Variants in MLXIPL observed in about 807,000 individuals in gnomAD.
MLXIPL encodes the protein carbohydrate-responsive element-binding protein.
A neutral mutation model predicts 81.5 loss-of-function variants in MLXIPL; 49 were observed. That is an observed-to-expected ratio of 0.60 (90% CI 0.48 to 0.76). The LOEUF is 0.76. Ranked by LOEUF, MLXIPL falls within the 30% of genes least tolerant of loss-of-function variation. MLXIPL has a pLI of 0.00. For missense variants in MLXIPL, 1,053 were observed against 1,167.0 expected (o/e 0.90, Z 1.42); for synonymous variants, 466 against 485.5 (o/e 0.96, Z 0.53).
chr7:73,634,911 G>T, the MLXIPL span, among the ~76,000 whole-genome samples: 2 of 150,788 alleles, frequency 1.3e-5, no homozygotes, highest in Admixed American at 1.3e-4. Context: ...TACCTCCTGG[G>T]TTCAAACGAT....
intron 15 of MLXIPL, 132 bp downstream of exon 15, chr7:73,595,505 C>T (rs1473851399): frequency 1.3e-6 from 2 of 1,593,160 alleles, no homozygotes; most frequent in East Asian, 4.5e-5. Flanking sequence ...GGGGGCAGAG[C>T]CAGAGCCTGT....
the MLXIPL span, among the ~76,000 whole-genome samples, chr7:73,638,469 A>G: frequency 6.6e-6 from 1 of 151,972 alleles, no homozygotes. Context: ...TTTAGTGGAG[A>G]CAAGGTTTCG....
rs1438429385 is a variant in MLXIPL, at chr7:73,593,833, G to A, written c.*32C>T. On this transcript the variant is annotated 3_prime_UTR_variant, in exon 17 of 17. Coordinates refer to ENST00000313375, the MANE Select transcript of MLXIPL (RefSeq NM_032951.3). ...GTGCCCAGGGAAAGCAGCCCCCAGG[G>A]CAGCTGAGTGAGCAGCAGGGTCTGG... 1 of 1,570,822 alleles carries A rather than the reference G, an allele frequency of 6.4e-7. No individual in the cohort carries two copies. Among genetic ancestry groups the A allele is most frequent in the Non-Finnish European group, 8.8e-7 (1 of 1,140,930 alleles).
the MLXIPL span, among the ~76,000 whole-genome samples, chr7:73,636,980 A>C: frequency 6.7e-6 from 1 of 150,192 alleles, no homozygotes; most frequent in Admixed American, 6.7e-5. Context: ...GAATGATGTT[A>C]ACCCGGGAGG....
intron 2 of MLXIPL, 133 bp from the exon 3 acceptor site, chr7:73,607,805 C>T (rs554528866): frequency 9.0e-5 from 62 of 691,218 alleles, no homozygotes; most frequent in Middle Eastern, 5.0e-4. Flanking sequence ...CCCATGCTGC[C>T]TCCTCCAGGA....
chr7:73,596,381 G>A lies in MLXIPL; in HGVS notation c.1921C>T (p.Arg641Cys), dbSNP rs910883889. Residue 641 changes from arginine (R) to cysteine (C), a missense_variant, in exon 12 of 17, where the codon CGT (arginine) becomes TGT (cysteine). Physicochemically the swap from Arg to Cys is radical, Grantham distance 180. Transcript: ENST00000313375. The surrounding 1 kb of genome is among the most constrained non-coding windows in gnomAD (Gnocchi z 4.7). ...SPPQPILSRG[R>C]PDSNKTENRR... is the part of the protein sequence containing the mutation. ...GTGCCCACCTTGTTGCTGTCTGGAC[G>A]GCCCCGGCTGAGGATGGGTTGCGGG... 8 of 1,613,092 alleles carry A rather than the reference G, an allele frequency of 5.0e-6. No individual in the cohort carries two copies. Among genetic ancestry groups the A allele is most frequent in the Admixed American group, 1.7e-5 (1 of 59,970 alleles).
In MLXIPL at chr7:73,594,315, G is replaced by T. The variant is rs1438485905; in HGVS notation, c.2399C>A (p.Ala800Asp). ...SVHTLRQTSLAWLDQYCSLPA... is the reference protein window; with the variant it reads ...SVHTLRQTSLDWLDQYCSLPA... Reference sequence around the variant, plus strand: ...CAGAGAGCAGTACTGGTCCAGCCAGGCCAGTGAGGTCTGGCGGAGGGTGTG... The same window carrying T: ...CAGAGAGCAGTACTGGTCCAGCCAGTCCAGTGAGGTCTGGCGGAGGGTGTG... The change falls in exon 16 of 17, where the codon GCC (alanine) becomes GAC (aspartate). Residue 800 changes from alanine to aspartate, a missense_variant. This residue lies in a region of MLXIPL where 823 missense variants were observed against 933.0 expected (regional missense o/e 0.88). Coordinates refer to ENST00000313375, the MANE Select transcript of MLXIPL (RefSeq NM_032951.3). 4.3e-6 allele frequency: 7 copies of T among 1,611,954 alleles called. No homozygotes were observed. Among genetic ancestry groups the T allele is most frequent in the Admixed American group, 1.7e-5 (1 of 60,018 alleles).
At chr7:73,611,033 A>AG in intron 2 of MLXIPL, 1 of 152,166 alleles carries the variant, frequency 6.6e-6, no homozygotes, top group East Asian at 1.9e-4. Context: ...CATGTTGGCA[A>AG]GGCTGGTCTC....
Position 73,599,571 on chromosome 7 carries a change from C to G in MLXIPL, c.1026G>C (p.Pro342=), listed in dbSNP as rs13235543. Residue 342 remains proline (P), a synonymous_variant, in exon 8 of 17, where the codon CCG becomes CCC. Coordinates refer to ENST00000313375, the MANE Select transcript of MLXIPL (RefSeq NM_032951.3). ...AGAGGTGGGTCATGGCCGAGGAAGC[C>G]GGGGGCACCTCTGGGCCCAGGGTCC... The part of the protein sequence containing the change: ...SSGTLGPEVP[P]ASSAMTHLSG... 6.2e-7 allele frequency: 1 copy of G among 1,612,628 alleles called. No homozygotes were observed. The highest frequency in any genetic ancestry group is 2.2e-5 in the East Asian group (1 of 44,844).
the MLXIPL span, among the ~76,000 whole-genome samples, chr7:73,633,058 G>A: frequency 6.9e-6 from 1 of 145,542 alleles, no homozygotes; most frequent in Non-Finnish European, 1.5e-5. Context: ...CGGGACTATA[G>A]GAGTGAGCCA....
At chr7:73,628,549 G>A (rs1367113303), upstream of MLXIPL, among the ~76,000 whole-genome samples, 1 of 152,230 alleles carries the variant, frequency 6.6e-6, no homozygotes, top group Non-Finnish European at 1.5e-5. Flanking sequence ...AGCCTGGAGT[G>A]CAGTGGCACA....
At chr7:73,602,906 C>T (rs890769415) in intron 7 of MLXIPL, among the ~76,000 whole-genome samples, 1 of 152,210 alleles carries the variant, frequency 6.6e-6, no homozygotes, top group Non-Finnish European at 1.5e-5. Flanking sequence ...CCCTCTCATC[C>T]CTGAGTCACC....
At position 73,596,722 on chromosome 7, in the gene MLXIPL, G is replaced by A. The variant is rs1554594131; in HGVS notation, c.1739C>T (p.Pro580Leu). 2 of 1,591,982 alleles carry A rather than the reference G, an allele frequency of 1.3e-6. No homozygotes were observed. The highest frequency in any genetic ancestry group is 1.7e-6 in the Non-Finnish European group (2 of 1,170,014). Residue 580 changes from proline to leucine, a missense_variant, in exon 11 of 17, where the codon CCA (proline) becomes CTA (leucine). By Grantham distance (98) the Pro-to-Leu change is moderately conservative (BLOSUM62 -3). Transcript: ENST00000313375. The surrounding 1 kb of genome is among the most constrained non-coding windows in gnomAD (Gnocchi z 4.7). The stretch of plus-strand genomic sequence containing the variant: ...GGCCAATGTGGCCGGGCCTGGAGGT[G>A]GCCGGGGCGGTGTAGGGGCCGGGGT... ...PPTPAPTPPR[P>L]PPGPATLAPS...
chr7:73,619,322 G>A (rs900052263), intron 1 of MLXIPL, among the ~76,000 whole-genome samples: 2 of 152,178 alleles, frequency 1.3e-5, no homozygotes, highest in Admixed American at 6.6e-5. Context: ...TTAGCCGGAC[G>A]TGGTGGCAGG....
upstream of MLXIPL, among the ~76,000 whole-genome samples, chr7:73,626,406 G>A (rs542389231): frequency 4.6e-5 from 7 of 152,088 alleles, no homozygotes; most frequent in East Asian, 1.9e-4. Flanking sequence ...GGGCCAAAGC[G>A]ATCCTCCCAC....
intron 1 of MLXIPL, 141 bp downstream of exon 1, chr7:73,624,059 C>T (rs1352836988): frequency 2.5e-6 from 3 of 1,192,416 alleles, no homozygotes; most frequent in Non-Finnish European, 3.4e-6. Flanking sequence ...AGGGGGTGTC[C>T]AGGGCGTGAT....
chr7:73,595,234 T>C lies in MLXIPL; in HGVS notation c.2310+403A>G, dbSNP rs188348127. Among the ~76,000 whole-genome samples the C allele has an allele frequency of 8.5e-5, 13 of 152,220 alleles. No homozygotes were observed. In the East Asian group the frequency reaches 2.5e-3, roughly 29 times the overall value. On this transcript the variant is annotated intron_variant, in intron 15 of 16. Transcript: ENST00000313375. ...TTGCCCCTCCACGGCCCTTACTGTG[T>C]GCTGAACCATCCCCCATCCCTGAGC...
upstream of MLXIPL, among the ~76,000 whole-genome samples, chr7:73,625,553 T>G (rs1385688520): frequency 6.6e-6 from 1 of 152,078 alleles, no homozygotes; most frequent in East Asian, 1.9e-4. Flanking sequence ...GGCCAGGAGT[T>G]CGAAACCAGC....
intron 7 of MLXIPL, among the ~76,000 whole-genome samples, chr7:73,604,592 A>G (rs1291360097): frequency 1.3e-5 from 2 of 152,040 alleles, no homozygotes; most frequent in African/African-American, 4.8e-5. Flanking sequence ...TTAAATTAAA[A>G]TAAAATAAAA....
Sources: gnomAD v4.1 joint callset for allele counts (sites outside exome capture counted in the v4.1 genomes callset) on GRCh38, gnomAD v4.1.1 for gene constraint, gnomAD v4.1.1 regional missense constraint, Gnocchi (gnomAD v3.1) non-coding constraint, MANE v1.5 for transcripts, NCBI Gene and HGNC (gene_info 2026-07-23, HGNC 2026-07-21) for gene names.